TLL1: variants seen among roughly 807,000 people sequenced by gnomAD.
TLL1 encodes tolloid-like protein 1.
A neutral mutation model predicts 128.2 loss-of-function variants in TLL1; 49 were observed. That is an observed-to-expected ratio of 0.38 (90% CI 0.30 to 0.48). The LOEUF (loss-of-function observed/expected upper bound fraction) is 0.48. Ranked by LOEUF, TLL1 falls within the 20% of genes least tolerant of loss-of-function variation. TLL1 has a pLI of 0.96. For missense variants in TLL1, 1,123 were observed against 1,242.0 expected (o/e 0.90, Z 1.44); for synonymous variants, 454 against 418.8 (o/e 1.08, Z -1.03).
intron 1 of TLL1, among the ~76,000 whole-genome samples, chr4:165,887,507 G>A (rs1294361359): frequency 6.6e-6 from 1 of 152,172 alleles, no homozygotes; most frequent in African/African-American, 2.4e-5. Flanking sequence ...ATACAGATGA[G>A]CAAAGTATTA....
chr4:165,976,116 T>C (rs1251466810), intron 1 of TLL1, among the ~76,000 whole-genome samples: 1 of 151,076 alleles, frequency 6.6e-6, no homozygotes, highest in East Asian at 1.9e-4. Context: ...TGGTTTGGAT[T>C]CTAGCATTTA....
chr4:166,030,555 G>T, intron 9 of TLL1: 3 of 562,106 alleles, frequency 5.3e-6, no homozygotes, highest in Admixed American at 5.4e-5. Context: ...TGTGCTTTTG[G>T]TGTCATAGCC....
intron 1 of TLL1, among the ~76,000 whole-genome samples, chr4:165,915,723 C>T (rs772137727): frequency 2.6e-5 from 4 of 152,128 alleles, no homozygotes; most frequent in Admixed American, 6.6e-5. Context: ...ACAGAGGGAG[C>T]GTGCATGCTC....
rs1285956080 is a variant in TLL1 at position 166,020,106 on chromosome 4, T to G, written c.1043-5210T>G. On this transcript the variant is annotated intron_variant, in intron 8 of 20. Coordinates refer to ENST00000061240, the MANE Select transcript of TLL1 (RefSeq NM_012464.5). ...ATCCCTTAGAGCTCTGGCAGTCTAC[T>G]GCTATAAGACACCCTCATTCATTGC... Among the ~76,000 whole-genome samples the G allele has an allele frequency of 2.0e-5, 3 of 152,160 alleles. No individual in the cohort carries two copies. In the East Asian group the frequency reaches 5.8e-4, roughly 29 times the overall value.
Position 166,104,403 on chromosome 4 carries a change from G to T in TLL1, c.*3527G>T, listed in dbSNP as rs906987998. Among the ~76,000 whole-genome samples the T allele has an allele frequency of 6.6e-6, 1 of 151,850 alleles. No individual in the cohort carries two copies. Among genetic ancestry groups the T allele is most frequent in the Non-Finnish European group, 1.5e-5 (1 of 67,896 alleles). On this transcript the variant is annotated 3_prime_UTR_variant, in exon 21 of 21. Transcript: ENST00000061240. ...TTATGGAAAATTTTTGATACCACTT[G>T]TTAAATCAGGCATGGGAGGAGGAGA...
At chr4:166,097,466 A>G (rs147604847) in intron 19 of TLL1, among the ~76,000 whole-genome samples, 162 of 152,154 alleles carry the variant, frequency 1.1e-3, no homozygotes, top group African/African-American at 3.8e-3. Context: ...ACACAGCCCA[A>G]TGGGGAAGTC....
intron 1 of TLL1, among the ~76,000 whole-genome samples, chr4:165,911,395 T>C (rs1399301007): frequency 1.3e-5 from 2 of 152,216 alleles, no homozygotes; most frequent in Non-Finnish European, 2.9e-5. Context: ...GGCTGAATAG[T>C]ATTTCATCGT....
Position 166,055,105 on chromosome 4 carries a change from C to T in TLL1, c.1554C>T (p.Asp518=), listed in dbSNP as rs758549359. The stretch of plus-strand genomic sequence containing the variant: ...AAAGACATGACAATTGTGCTTATGA[C>T]TACCTGGAAGTTAGAGATGGAACCA... ...EIERHDNCAY[D]YLEVRDGTSE... The change falls in exon 13 of 21, where the codon GAC becomes GAT. Residue 518 remains aspartate (D), a synonymous_variant. Transcript: ENST00000061240. 3.1e-6 allele frequency: 5 copies of T among 1,612,124 alleles called. No individual in the cohort carries two copies. The highest frequency in any genetic ancestry group is 1.1e-5 in the South Asian group (1 of 90,572).
intron 1 of TLL1, among the ~76,000 whole-genome samples, chr4:165,934,178 T>C (rs1036973616): frequency 3.4e-5 from 5 of 147,206 alleles, no homozygotes; most frequent in African/African-American, 1.3e-4. Flanking sequence ...TTTTGCTTTT[T>C]TTTTTTTTTT....
At chr4:166,034,720 T>C (rs917405862) in intron 9 of TLL1, among the ~76,000 whole-genome samples, 1 of 152,114 alleles carries the variant, frequency 6.6e-6, no homozygotes, top group Non-Finnish European at 1.5e-5. Context: ...ATTAACTAGA[T>C]GTAGGGGTGT....
intron 1 of TLL1, among the ~76,000 whole-genome samples, chr4:165,949,442 A>G (rs1734405066): frequency 6.6e-6 from 1 of 152,186 alleles, no homozygotes; most frequent in Non-Finnish European, 1.5e-5. Context: ...AACAGAAACT[A>G]TGAAATAATA....
intron 1 of TLL1, among the ~76,000 whole-genome samples, chr4:165,935,638 T>C (rs1733730771): frequency 6.6e-6 from 1 of 152,224 alleles, no homozygotes. Context: ...TCTTCAAATG[T>C]AACTGCAATC....
chr4:166,023,163 C>G (rs1738319845), intron 8 of TLL1, among the ~76,000 whole-genome samples: 1 of 152,170 alleles, frequency 6.6e-6, no homozygotes, highest in Non-Finnish European at 1.5e-5. Context: ...CTTTGGGAGG[C>G]CGAGGCAGGT....
chr4:166,014,666 C>A lies in TLL1; in HGVS notation c.1042+106C>A, dbSNP rs534378944. The A allele has an allele frequency of 2.1e-5, 32 of 1,533,330 alleles. 1 individual carries two copies. The South Asian group carries it at 3.4e-4, about 16-fold the overall frequency. 95.0% of individuals were successfully genotyped at this position (1,533,330 alleles called of 1,614,324 possible). On this transcript the variant is annotated intron_variant, in intron 8 of 20. Coordinates refer to ENST00000061240, the MANE Select transcript of TLL1 (RefSeq NM_012464.5). Reference sequence around the variant, plus strand: ...GTTTGTTTGTCTCCCTCCCTGTTGGCAAGTGACGTGTACAGTTCAAAGTCA... The same window carrying A: ...GTTTGTTTGTCTCCCTCCCTGTTGGAAAGTGACGTGTACAGTTCAAAGTCA...
At chr4:165,904,817 A>G (rs1017137669) in intron 1 of TLL1, among the ~76,000 whole-genome samples, 2 of 152,256 alleles carry the variant, frequency 1.3e-5, no homozygotes, top group Non-Finnish European at 2.9e-5. Context: ...TAAGAAAACT[A>G]GCAACTTAAT....
chr4:165,888,289 G>C (rs1731251402), intron 1 of TLL1, among the ~76,000 whole-genome samples: 2 of 152,042 alleles, frequency 1.3e-5, no homozygotes, highest in African/African-American at 4.8e-5. Context: ...TATCAAATTA[G>C]GAATTCTGTG....
intron 5 of TLL1, among the ~76,000 whole-genome samples, chr4:166,000,302 T>C (rs1222997621): frequency 6.6e-6 from 1 of 152,234 alleles, no homozygotes; most frequent in Non-Finnish European, 1.5e-5. Flanking sequence ...TAAGCATATA[T>C]GTAGTTATTT....
intron 1 of TLL1, among the ~76,000 whole-genome samples, chr4:165,947,576 G>C (rs774824420): frequency 4.6e-5 from 7 of 152,110 alleles, no homozygotes; most frequent in Non-Finnish European, 1.0e-4. Context: ...GAATGCACTG[G>C]AGAAAAGGCT....
chr4:165,963,127 T>C (rs574150237), intron 1 of TLL1, among the ~76,000 whole-genome samples: 5 of 119,298 alleles, frequency 4.2e-5, no homozygotes, highest in Admixed American at 2.7e-4. Context: ...ATGGGAACAA[T>C]AGATCAATAG....
Sources: allele counts gnomAD v4.1 joint callset (sites outside exome capture counted in the v4.1 genomes callset), GRCh38; gene constraint gnomAD v4.1.1; transcripts MANE v1.5; gene names NCBI Gene and HGNC (gene_info 2026-07-23, HGNC 2026-07-21).